PCDHA9: variants seen among roughly 807,000 people sequenced by gnomAD.
PCDHA9 encodes the protein protocadherin alpha 9.
PCDHA9 carries 62 observed loss-of-function variants against 62.0 expected under a neutral mutation model. That is an observed-to-expected ratio of 1.00 (90% confidence interval 0.81 to 1.23). The LOEUF (loss-of-function observed/expected upper bound fraction) is 1.23. Ranked by LOEUF, PCDHA9 falls within the 50% of genes most tolerant of loss-of-function variation. PCDHA9 has a pLI of 0.00. For missense variants in PCDHA9, 1,205 were observed against 1,249.8 expected (o/e 0.96, Z 0.54); for synonymous variants, 557 against 567.6 (o/e 0.98, Z 0.27).
Position 140,848,973 on chromosome 5 carries a change from G to A in PCDHA9, c.478G>A (p.Ala160Thr). Residue 160 changes from alanine to threonine, a missense_variant, in exon 1 of 4, where the codon GCA becomes ACA. Around this residue, in one of 3 missense-constraint regions of PCDHA9, gnomAD observed 208 missense variants for 213.2 expected, o/e 0.98. Transcript: ENST00000532602. ...GTTTCCACTAGAGGGCGCGTCCGAT[G>A]CAGATATCGGGGAGAACGCCCTGCT... Reference protein sequence around the residue: ...SRFPLEGASDADIGENALLTY... With the variant: ...SRFPLEGASDTDIGENALLTY... 1 of 1,600,934 alleles carries A rather than the reference G, an allele frequency of 6.2e-7. No homozygotes were observed. Among genetic ancestry groups the A allele is most frequent in the South Asian group, 1.1e-5 (1 of 90,620 alleles).
intron 1 of PCDHA9, among the ~76,000 whole-genome samples, chr5:140,917,128 C>T (rs2077898518): frequency 6.6e-6 from 1 of 152,044 alleles, no homozygotes; most frequent in Non-Finnish European, 1.5e-5. Flanking sequence ...GCAGACTCCC[C>T]ACGTTGCTCA....
At chr5:140,956,666 G>C (rs1232573740) in intron 1 of PCDHA9, among the ~76,000 whole-genome samples, 2 of 152,088 alleles carry the variant, frequency 1.3e-5, no homozygotes, top group African/African-American at 4.8e-5. Context: ...GGCCTTAAAG[G>C]AGTTAGGGAG....
At chr5:140,993,364 T>G (rs1285844193) in intron 3 of PCDHA9, among the ~76,000 whole-genome samples, 1 of 151,930 alleles carries the variant, frequency 6.6e-6, no homozygotes, top group Non-Finnish European at 1.5e-5. Flanking sequence ...TCACAAAAAC[T>G]ACCTCCCAGC....
intron 1 of PCDHA9, chr5:140,870,294 G>A (rs1554164013): frequency 3.1e-6 from 5 of 1,614,192 alleles, no homozygotes; most frequent in Non-Finnish European, 3.4e-6. Flanking sequence ...TCAAGCTGGT[G>A]TCCACCTTCA....
At chr5:140,911,057 TG>T (rs1554194586) in intron 1 of PCDHA9, among the ~76,000 whole-genome samples, 1 of 151,474 alleles carries the variant, frequency 6.6e-6, no homozygotes, top group Non-Finnish European at 1.5e-5. Context: ...TGGTGGGGGG[TG>T]GGTCCTGAGG....
chr5:140,884,734 C>A (rs1198575388), intron 1 of PCDHA9: 5 of 1,445,332 alleles, frequency 3.5e-6, no homozygotes, highest in Non-Finnish European at 4.6e-6. Flanking sequence ...TTTAAGACAT[C>A]TTTCCTGCCA....
chr5:140,857,572 G>A lies in PCDHA9; in HGVS notation c.2394+6683G>A, dbSNP rs144978636. ...AGCGCTCGCTGTCGAGCTACGTGTCGGTGCACGCGGAGAGCGGCAAGGTGT... is the reference window on the plus strand; with the variant it reads ...AGCGCTCGCTGTCGAGCTACGTGTCAGTGCACGCGGAGAGCGGCAAGGTGT... On this transcript the variant is annotated intron_variant, in intron 1 of 3. Transcript: ENST00000532602. 1.4e-3 allele frequency: 2,186 copies of A among 1,596,706 alleles called. 111 individuals are homozygous for A. In the African/African-American group the frequency reaches 0.025, roughly 18 times the overall value.
chr5:140,914,783 A>G (rs1445627539), intron 1 of PCDHA9, among the ~76,000 whole-genome samples: 1 of 151,972 alleles, frequency 6.6e-6, no homozygotes, highest in Admixed American at 6.6e-5. Context: ...TTATCTTATG[A>G]CCCATTATTT....
chr5:140,935,550 C>G (rs1419018426), intron 1 of PCDHA9, among the ~76,000 whole-genome samples: 2 of 152,156 alleles, frequency 1.3e-5, no homozygotes, highest in African/African-American at 4.8e-5. Flanking sequence ...TTTAAAGTAT[C>G]TTGGAAAAGT....
intron 1 of PCDHA9, chr5:140,882,865 A>G (rs1554175879): frequency 6.2e-7 from 1 of 1,614,248 alleles, no homozygotes; most frequent in Non-Finnish European, 8.5e-7. Context: ...TGAGGAAAAC[A>G]CTGGACAGAG....
rs541015740 is a variant in PCDHA9 at position 140,862,949 on chromosome 5, C to T, written c.2394+12060C>T. 3 of 542,876 alleles carry T rather than the reference C, an allele frequency of 5.5e-6. No individual in the cohort carries two copies. In the Admixed American group the frequency reaches 5.9e-5, roughly 11 times the overall value. The allele number at this position is 542,876 out of a possible 1,614,324, so 33.6% of individuals were successfully genotyped here. A position where few individuals can be genotyped will look rare whatever the true frequency, so the allele number is the denominator to read the frequency against. On this transcript the variant is annotated intron_variant, in intron 1 of 3. Transcript: ENST00000532602. The stretch of plus-strand genomic sequence containing the variant: ...TGGCGGCGCTGTGAGTGAGCTGGTG[C>T]GGTATTCAGTGGATGCAGGCCACTT...
At chr5:140,881,333 G>A (rs1554171980) in intron 1 of PCDHA9, 1 of 984,778 alleles carries the variant, frequency 1.0e-6, no homozygotes, top group Admixed American at 6.1e-5. Context: ...TAACCAGGAC[G>A]CCGATTCGGG....
At chr5:140,862,433 G>A (rs781821294) in intron 1 of PCDHA9, 31 of 354,884 alleles carry the variant, frequency 8.7e-5, no homozygotes, top group Admixed American at 2.6e-4. Context: ...GAAACTATTC[G>A]TTGGTACTCC....
At chr5:140,865,116 G>T (rs2048743320) in intron 1 of PCDHA9, 1 of 152,144 alleles carries the variant, frequency 6.6e-6, no homozygotes, top group Non-Finnish European at 1.5e-5. Flanking sequence ...GACAATTGTG[G>T]TGTTAATTAT....
chr5:140,869,249 C>T (rs1554162740), intron 1 of PCDHA9: 2 of 1,613,496 alleles, frequency 1.2e-6, no homozygotes, highest in Admixed American at 3.3e-5. Flanking sequence ...GGCCGCATCG[C>T]GCAGGACCTG....
At chr5:140,880,748 G>T (rs950550579) in intron 1 of PCDHA9, among the ~76,000 whole-genome samples, 10 of 152,220 alleles carry the variant, frequency 6.6e-5, no homozygotes, top group Non-Finnish European at 1.2e-4. Flanking sequence ...GATTGTCAGT[G>T]TAACTGCGTG....
intron 1 of PCDHA9, among the ~76,000 whole-genome samples, chr5:140,949,282 T>C (rs1308331025): frequency 6.6e-6 from 1 of 151,850 alleles, no homozygotes; most frequent in African/African-American, 2.4e-5. Flanking sequence ...GAAAAGAATG[T>C]ATATTCTGTA....
At chr5:140,861,700 T>C (rs2047027429) in intron 1 of PCDHA9, 1 of 222,356 alleles carries the variant, frequency 4.5e-6, no homozygotes, top group Non-Finnish European at 9.0e-6. Flanking sequence ...GTGTCTGTGA[T>C]GCCGACGTCG....
At chr5:140,883,113 G>A in intron 1 of PCDHA9, 2 of 1,614,086 alleles carry the variant, frequency 1.2e-6, no homozygotes, top group Non-Finnish European at 1.7e-6. Context: ...TACTCATTTA[G>A]AAGGCCTGTA....
Sources: allele counts gnomAD v4.1 joint callset (sites outside exome capture counted in the v4.1 genomes callset), GRCh38; gene constraint gnomAD v4.1.1; regional missense constraint gnomAD v4.1.1; transcripts MANE v1.5; gene names NCBI Gene and HGNC (gene_info 2026-07-23, HGNC 2026-07-21).